SAXO1: variants seen among roughly 807,000 people sequenced by gnomAD.
SAXO1 encodes the protein 4930500O09Rik.
Under a neutral mutation model 17.5 loss-of-function variants are expected in SAXO1, and 21 were observed. The ratio of observed to expected loss-of-function variants is 1.20; its 90% CI spans 0.85 to 1.72. The LOEUF (loss-of-function observed/expected upper bound fraction) is 1.72, where lower values mean the gene tolerates loss of function less well. Among genes scored for constraint, SAXO1 ranks in the 40% most tolerant of loss-of-function variants. The pLI is 0.00. For synonymous variants in SAXO1, 274 were observed against 216.5 expected (o/e 1.27, Z -2.33); for missense variants, 843 against 596.0 (o/e 1.41, Z -4.32).
chr9:19,042,120 T>C (rs1367323858), intron 1 of SAXO1, among the ~76,000 whole-genome samples: 1 of 152,156 alleles, frequency 6.6e-6, no homozygotes, highest in Non-Finnish European at 1.5e-5. Flanking sequence ...TCTAATTTTT[T>C]AATGGGCAAA....
intron 1 of SAXO1, among the ~76,000 whole-genome samples, chr9:19,043,427 G>A (rs893651227): frequency 2.0e-5 from 3 of 152,046 alleles, no homozygotes; most frequent in African/African-American, 4.8e-5. Context: ...TAAGCGGGAG[G>A]TGGAGATGGT....
At chr9:18,993,383 A>C (rs1833887170) in intron 1 of SAXO1, among the ~76,000 whole-genome samples, 1 of 151,182 alleles carries the variant, frequency 6.6e-6, no homozygotes, top group Non-Finnish European at 1.5e-5. Flanking sequence ...GGGCTCATCC[A>C]TGATCATGCT....
At chr9:19,011,175 A>G (rs1458466058) in intron 1 of SAXO1, among the ~76,000 whole-genome samples, 2 of 152,258 alleles carry the variant, frequency 1.3e-5, no homozygotes, top group Non-Finnish European at 1.5e-5. Flanking sequence ...AGCCAAGTTC[A>G]GAGCACTAAA....
At chr9:18,953,705 AGGAATC>A (rs1832131335) in intron 1 of SAXO1, among the ~76,000 whole-genome samples, 1 of 152,214 alleles carries the variant, frequency 6.6e-6, no homozygotes, top group Admixed American at 6.5e-5. Context: ...CTCATTAACC[AGGAATC>A]CCTCAAGGAC....
chr9:18,991,778 A>G (rs1277055908), intron 1 of SAXO1, among the ~76,000 whole-genome samples: 2 of 152,164 alleles, frequency 1.3e-5, no homozygotes, highest in Non-Finnish European at 2.9e-5. Flanking sequence ...TCCCCAAACC[A>G]TCTCCTACCC....
intron 1 of SAXO1, among the ~76,000 whole-genome samples, chr9:18,986,591 A>T (rs902076960): frequency 1.4e-5 from 2 of 145,686 alleles, no homozygotes; most frequent in Non-Finnish European, 3.1e-5. Flanking sequence ...ACAGAACTCA[A>T]GGAGTCTTCT....
Position 19,049,047 on chromosome 9 carries a change from G to A in SAXO1, c.-158+162C>T, listed in dbSNP as rs1836288043. Among the ~76,000 whole-genome samples the A allele has an allele frequency of 6.6e-6, 1 of 152,116 alleles. No individual in the cohort carries two copies. The highest frequency in any genetic ancestry group is 2.1e-4 in the South Asian group (1 of 4,834). ...CCGGGCAAGCTGGGGAGGCCTAAGC[G>A]GACTGGGAAGTTAGGCTTTCCCTCC... On this transcript the variant is annotated intron_variant, in intron 1 of 3. Transcript: ENST00000542071. This position sits in a 1 kb window ranked among gnomAD's most constrained non-coding sequence, Gnocchi z 5.4.
intron 1 of SAXO1, among the ~76,000 whole-genome samples, chr9:19,022,395 C>T (rs1010771993): frequency 6.6e-6 from 1 of 152,186 alleles, no homozygotes; most frequent in African/African-American, 2.4e-5. Context: ...GGAACCAATT[C>T]CAGACACAAT....
At chr9:19,022,578 C>T (rs548291864) in intron 1 of SAXO1, among the ~76,000 whole-genome samples, 1 of 151,990 alleles carries the variant, frequency 6.6e-6, no homozygotes, top group Non-Finnish European at 1.5e-5. Context: ...AGAAATTGGA[C>T]CATTATGGGG....
chr9:18,990,434 C>G (rs535972263), intron 1 of SAXO1, among the ~76,000 whole-genome samples: 1 of 152,088 alleles, frequency 6.6e-6, no homozygotes, highest in Non-Finnish European at 1.5e-5. Context: ...AGCAGGACAC[C>G]GTGGCTTATG....
At chr9:19,013,274 A>AAGAT (rs2130994369) in intron 1 of SAXO1, among the ~76,000 whole-genome samples, 1 of 152,312 alleles carries the variant, frequency 6.6e-6, no homozygotes, top group South Asian at 2.1e-4. Context: ...TGGGTGCCTA[A>AAGAT]AGATCTTCAC....
At chr9:19,016,135 G>A (rs952986514) in intron 1 of SAXO1, among the ~76,000 whole-genome samples, 5 of 152,152 alleles carry the variant, frequency 3.3e-5, no homozygotes, top group African/African-American at 1.2e-4. Flanking sequence ...ATTAATGCAA[G>A]GCTATAAAAG....
At chr9:19,018,142 G>A (rs569541000) in intron 1 of SAXO1, among the ~76,000 whole-genome samples, 43 of 151,636 alleles carry the variant, frequency 2.8e-4, no homozygotes, top group Non-Finnish European at 6.0e-4. Context: ...CACTCTAGCT[G>A]GGGCAACAGA....
chr9:18,991,953 T>A (rs1157658572), intron 1 of SAXO1, among the ~76,000 whole-genome samples: 1 of 152,148 alleles, frequency 6.6e-6, no homozygotes, highest in Non-Finnish European at 1.5e-5. Flanking sequence ...TTAAAAGTGT[T>A]CCAGGAATGA....
At position 18,996,440 on chromosome 9, in the gene SAXO1, C is replaced by A. The variant is rs149912381; in HGVS notation, c.38+36431G>T. ...TAACCTATTGCTCCTAGGCTGTAAG[C>A]CTGTACAGCATGTGACTACACTGAT... On this transcript the variant is annotated intron_variant, in intron 1 of 3. Coordinates refer to ENST00000380534, the MANE Select transcript of SAXO1 (RefSeq NM_153707.4). Among the ~76,000 whole-genome samples, 18 of 152,320 alleles carry A rather than the reference C, an allele frequency of 1.2e-4. No individual in the cohort carries two copies. In the East Asian group the frequency reaches 3.3e-3, roughly 28 times the overall value.
chr9:18,948,226 A>G (rs1831875675), intron 2 of SAXO1, among the ~76,000 whole-genome samples: 1 of 152,200 alleles, frequency 6.6e-6, no homozygotes, highest in Non-Finnish European at 1.5e-5. Context: ...TTCTCGGTCT[A>G]TGAACAGTAG....
At chr9:19,027,597 A>C (rs970307636) in intron 1 of SAXO1, 1 of 1,429,438 alleles carries the variant, frequency 7.0e-7, no homozygotes, top group African/African-American at 1.4e-5. Context: ...ACTGGCCCCC[A>C]GCTGGTGCAG....
intron 3 of SAXO1, among the ~76,000 whole-genome samples, chr9:18,936,428 C>T (rs1831294429): frequency 6.6e-6 from 1 of 152,100 alleles, no homozygotes; most frequent in Non-Finnish European, 1.5e-5. Flanking sequence ...TACGCACTCC[C>T]TCAAGGTACT....
Position 19,049,301 on chromosome 9 carries a change from T to A in SAXO1, c.-250A>T. 1 of 203,490 alleles carries A rather than the reference T, an allele frequency of 4.9e-6. No homozygotes were observed. Among genetic ancestry groups the A allele is most frequent in the Non-Finnish European group, 9.8e-6 (1 of 102,402 alleles). The allele number at this position is 203,490 out of a possible 1,614,324, so 12.6% of individuals were successfully genotyped here. ...TAGGGCTCACGCCGCCCCGGTTAGG[T>A]TTCATTAGAGCAGCGGCTTTTCAAG... On this transcript the variant is annotated 5_prime_UTR_variant, in exon 1 of 4. Coordinates refer to the SAXO1 transcript ENST00000542071. This position sits in a 1 kb window ranked among gnomAD's most constrained non-coding sequence, Gnocchi z 5.4.
Sources: gnomAD v4.1 joint callset for allele counts (sites outside exome capture counted in the v4.1 genomes callset) on GRCh38, gnomAD v4.1.1 for gene constraint, Gnocchi (gnomAD v3.1) non-coding constraint, MANE v1.5 for transcripts, NCBI Gene and HGNC (gene_info 2026-07-23, HGNC 2026-07-21) for gene names.